The following RBM19 variants were observed in gnomAD, a reference collection of about 807,000 sequenced individuals.
RBM19 encodes RNA binding motif protein 19, also known as probable RNA-binding protein 19.
Under a neutral mutation model 116.8 loss-of-function variants are expected in RBM19, and 94 were observed. The observed-to-expected ratio is 0.80, with a 90% CI of 0.68 to 0.95. The LOEUF is 0.95. Ranked by LOEUF, RBM19 falls within the 40% of genes least tolerant of loss-of-function variation. The probability of loss-of-function intolerance (pLI) is 0.00; values close to 1 mark genes in which losing one functional copy is unlikely to be tolerated. For missense variants in RBM19, 1,161 were observed against 1,220.7 expected, an observed-to-expected ratio of 0.95 and a Z score of 0.73; for synonymous variants, 475 against 494.1, an observed-to-expected ratio of 0.96 and a Z score of 0.51.
At chr12:113,922,898 C>A (rs561778087) in intron 18 of RBM19, among the ~76,000 whole-genome samples, 7 of 152,164 alleles carry the variant, frequency 4.6e-5, no homozygotes, top group Non-Finnish European at 1.0e-4. Flanking sequence ...CTTTGGGAGG[C>A]CAAGGCAGGC....
At chr12:113,920,777 C>A in intron 18 of RBM19, 87 bp from the exon 19 acceptor site, 4 of 1,152,924 alleles carry the variant, frequency 3.5e-6, no homozygotes, top group Non-Finnish European at 5.2e-6. Flanking sequence ...CCCAGACCTG[C>A]GCTGTATTTC....
chr12:113,889,827 A>T (rs1880820394), intron 21 of RBM19, among the ~76,000 whole-genome samples: 1 of 151,762 alleles, frequency 6.6e-6, no homozygotes, highest in Admixed American at 6.6e-5. Flanking sequence ...TTTTATGGCT[A>T]GAGGAGTCTT....
rs550855269 is a variant in RBM19 at position 113,896,713 on chromosome 12, C to T, written c.2558+18256G>A. ...GAATAACCCTGGATACCAATCCCAG[C>T]GCCTCCAAGACGATGGTGAAATGTA... On this transcript the variant is annotated intron_variant, in intron 21 of 23. Transcript: ENST00000261741. 2.0e-5 allele frequency among the ~76,000 whole-genome samples: 3 copies of T among 152,202 alleles called. No individual in the cohort carries two copies. In the South Asian group the frequency reaches 6.2e-4, roughly 32 times the overall value.
chr12:113,879,809 T>G (rs983022664), intron 21 of RBM19, among the ~76,000 whole-genome samples: 9 of 151,974 alleles, frequency 5.9e-5, no homozygotes, highest in African/African-American at 2.2e-4. Context: ...AGCACCCTCC[T>G]CCACCCCAGC....
At chr12:113,840,101 C>A (rs4767141) in intron 23 of RBM19, among the ~76,000 whole-genome samples, 15,253 of 152,270 alleles carry the variant, frequency 0.1, 894 homozygotes, top group South Asian at 0.13. Context: ...GCCAGCCATA[C>A]TGGAAGACAA....
At chr12:113,948,364 C>G (rs562243199) in intron 10 of RBM19, among the ~76,000 whole-genome samples, 28 of 152,172 alleles carry the variant, frequency 1.8e-4, no homozygotes, top group Admixed American at 1.8e-3. Flanking sequence ...ACAACACTAA[C>G]CTTGACACTA....
At chr12:113,911,767 C>T (rs1474862367) in intron 21 of RBM19, among the ~76,000 whole-genome samples, 2 of 152,126 alleles carry the variant, frequency 1.3e-5, no homozygotes, top group Non-Finnish European at 2.9e-5. Context: ...AATGGGCCCC[C>T]AGAAACATGA....
chr12:113,917,607 G>A (rs1173325830), intron 20 of RBM19, among the ~76,000 whole-genome samples: 2 of 152,204 alleles, frequency 1.3e-5, no homozygotes, highest in East Asian at 1.9e-4. Context: ...AGGTCAATTC[G>A]CTGGAAGCTA....
intron 21 of RBM19, among the ~76,000 whole-genome samples, chr12:113,860,624 G>A (rs1360896000): frequency 1.3e-5 from 2 of 152,210 alleles, no homozygotes; most frequent in Admixed American, 1.3e-4. Flanking sequence ...CAGCCACTGG[G>A]TGAGCTGGTT....
chr12:113,871,602 C>T (rs981020094), intron 21 of RBM19, among the ~76,000 whole-genome samples: 2 of 152,204 alleles, frequency 1.3e-5, no homozygotes, highest in South Asian at 2.1e-4. Context: ...ACGACGGGGA[C>T]GTAGGCTTTA....
At chr12:113,867,025 G>A (rs1054736028) in intron 21 of RBM19, among the ~76,000 whole-genome samples, 1 of 152,158 alleles carries the variant, frequency 6.6e-6, no homozygotes, top group African/African-American at 2.4e-5. Flanking sequence ...CCCTAAATAA[G>A]GAATCCTCTT....
At position 113,825,649 on chromosome 12, in the gene RBM19, C is replaced by T. The variant is rs781734440; in HGVS notation, c.2786-2328G>A. On this transcript the variant is annotated intron_variant, in intron 23 of 23. Coordinates refer to ENST00000261741, the MANE Select transcript of RBM19 (RefSeq NM_016196.4). The surrounding 1 kb of genome is among the most constrained non-coding windows in gnomAD (Gnocchi z 5.7). ...GGGTCTAAGGGATGGCCAGCGGTGG[C>T]GGCATGGGACTTTTTCTTCTCTCCC... 5.9e-5 allele frequency among the ~76,000 whole-genome samples: 9 copies of T among 152,122 alleles called. No individual in the cohort carries two copies. Among genetic ancestry groups the T allele is most frequent in the East Asian group, 1.9e-4 (1 of 5,180 alleles).
At chr12:113,829,208 T>G (rs1875151431) in intron 23 of RBM19, among the ~76,000 whole-genome samples, 1 of 152,200 alleles carries the variant, frequency 6.6e-6, no homozygotes, top group Non-Finnish European at 1.5e-5. Context: ...ATGTTGGACA[T>G]GAGCTCAAGT....
In RBM19 at chr12:113,903,073, T is replaced by G. The variant is rs1476895894; in HGVS notation, c.2558+11896A>C. On this transcript the variant is annotated intron_variant, in intron 21 of 23. Transcript: ENST00000261741. The surrounding 1 kb of genome is among the most constrained non-coding windows in gnomAD (Gnocchi z 5.1). Reference sequence around the variant, plus strand: ...AGTAACTCCCAACCTACCTTCCCCTTCCCTAAGCAACTGTGAATCTACTTT... The same window carrying G: ...AGTAACTCCCAACCTACCTTCCCCTGCCCTAAGCAACTGTGAATCTACTTT... Among the ~76,000 whole-genome samples the G allele has an allele frequency of 6.6e-6, 1 of 152,152 alleles. No homozygotes were observed. The highest frequency in any genetic ancestry group is 2.4e-5 in the African/African-American group (1 of 41,432).
At chr12:113,881,137 A>T (rs1049135412) in intron 21 of RBM19, among the ~76,000 whole-genome samples, 1 of 152,108 alleles carries the variant, frequency 6.6e-6, no homozygotes, top group African/African-American at 2.4e-5. Flanking sequence ...GTTCTGGAAC[A>T]CGCACTGTCT....
chr12:113,932,032 G>GTC lies in RBM19; in HGVS notation c.2069-4805_2069-4804dup, dbSNP rs143584869. 9.2e-3 allele frequency among the ~76,000 whole-genome samples: 1,404 copies of GTC among 152,328 alleles called. 28 individuals are homozygous for GTC. The highest frequency in any genetic ancestry group is 0.032 in the African/African-American group (1,346 of 41,562). ...GAACAGATCTACTTGTGGGCGATGA[G>GTC]TCTGTTGGGCACTCAGCATGTGCCT... On this transcript the variant is annotated intron_variant, in intron 16 of 23. Coordinates refer to ENST00000261741, the MANE Select transcript of RBM19 (RefSeq NM_016196.4).
rs376538785 is a variant in RBM19, at chr12:113,915,127, C to T, written c.2442-42G>A. On this transcript the variant is annotated intron_variant, in intron 20 of 23. Coordinates refer to ENST00000261741, the MANE Select transcript of RBM19 (RefSeq NM_016196.4). ...AGAGGGTCCAAGTTATTCGGAGCTTCAGCAGCTCCTGCCCAACATTGACTC... is the reference window on the plus strand; with the variant it reads ...AGAGGGTCCAAGTTATTCGGAGCTTTAGCAGCTCCTGCCCAACATTGACTC... The T allele has an allele frequency of 2.7e-6, 4 of 1,480,254 alleles. No homozygotes were observed. The African/African-American group carries it at 5.5e-5, about 21-fold the overall frequency. 91.7% of individuals were successfully genotyped at this position (1,480,254 alleles called of 1,614,324 possible).
chr12:113,838,250 G>A (rs1457703438), intron 23 of RBM19, among the ~76,000 whole-genome samples: 2 of 152,236 alleles, frequency 1.3e-5, no homozygotes, highest in African/African-American at 4.8e-5. Context: ...GCTTTGGGAT[G>A]TGGGAGGAAA....
intron 5 of RBM19, 67 bp downstream of exon 5, chr12:113,959,145 A>C: frequency 1.3e-6 from 2 of 1,537,132 alleles, no homozygotes; most frequent in Non-Finnish European, 1.8e-6. Flanking sequence ...AGGGGCCCCC[A>C]GTGCCGGTTA....
Sources: gnomAD v4.1 joint callset for allele counts (sites outside exome capture counted in the v4.1 genomes callset) on GRCh38, gnomAD v4.1.1 for gene constraint, Gnocchi (gnomAD v3.1) non-coding constraint, MANE v1.5 for transcripts, NCBI Gene and HGNC (gene_info 2026-07-23, HGNC 2026-07-21) for gene names.